SMIM10L2B: variants seen among roughly 807,000 people sequenced by gnomAD.
SMIM10L2B encodes small integral membrane protein 10 like 2B.
For missense variants in SMIM10L2B, 40 were observed against 58.7 expected, an observed-to-expected ratio of 0.68 and a Z score of 1.04; for synonymous variants, 28 against 30.0, an observed-to-expected ratio of 0.93 and a Z score of 0.22.
At position 135,098,160 on chromosome X, in the gene SMIM10L2B, G is replaced by C. The variant is rs1603270795; in HGVS notation, c.*237C>G. On this transcript the variant is annotated 3_prime_UTR_variant, in exon 1 of 2. Transcript: ENST00000433425. ...GGTAGTTTCTGGAGCCCAATTGTAG[G>C]GGCCTGTTCAGTGCATTTCTGCGCG... 8.5e-6 allele frequency: 2 copies of C among 234,532 alleles called. No individual in the cohort carries two copies. The highest frequency in any genetic ancestry group is 6.8e-5 in the East Asian group (1 of 14,783). The allele number at this position is 234,532 out of a possible 1,213,427, so 19.3% of individuals were successfully genotyped here. A position where few individuals can be genotyped will look rare whatever the true frequency, so the allele number is the denominator to read the frequency against.
At position 135,098,326 on chromosome X, in the gene SMIM10L2B, C is replaced by T; in HGVS notation, c.*71G>A. The T allele has an allele frequency of 9.8e-6, 3 of 304,643 alleles. No individual in the cohort carries two copies. The highest frequency in any genetic ancestry group is 1.7e-5 in the Non-Finnish European group (3 of 180,145). The allele number at this position is 304,643 out of a possible 1,213,427, so 25.1% of individuals were successfully genotyped here. A position where few individuals can be genotyped will look rare whatever the true frequency, so the allele number is the denominator to read the frequency against. On this transcript the variant is annotated 3_prime_UTR_variant, in exon 1 of 2. Transcript: ENST00000433425. ...TCCAGCTGTCCTTCATGCCCGCGAC[C>T]CGGCCGGGGGCGGGCGGGGACACTG...
In SMIM10L2B at chrX:135,098,298, C is replaced by T. The variant is rs1230563728; in HGVS notation, c.*99G>A. The T allele has an allele frequency of 7.2e-6, 2 of 278,560 alleles. No homozygotes were observed. The highest frequency in any genetic ancestry group is 1.2e-5 in the Non-Finnish European group (2 of 160,579). 23.0% of individuals were successfully genotyped at this position (278,560 alleles called of 1,213,427 possible). A position where few individuals can be genotyped will look rare whatever the true frequency, so the allele number is the denominator to read the frequency against. On this transcript the variant is annotated 3_prime_UTR_variant, in exon 1 of 2. Transcript: ENST00000433425. ...GCCGCCCCACCTCCGCCCCCCGCCG[C>T]GATCCAGCTGTCCTTCATGCCCGCG...
At position 135,098,581 on chromosome X, in the gene SMIM10L2B, C is replaced by A; in HGVS notation, c.53G>T (p.Gly18Val). The A allele has an allele frequency of 1.4e-6, 1 of 700,377 alleles. No individual in the cohort carries two copies. Among genetic ancestry groups the A allele is most frequent in the Non-Finnish European group, 2.0e-6 (1 of 511,381 alleles). 57.7% of individuals were successfully genotyped at this position (700,377 alleles called of 1,213,427 possible). A position where few individuals can be genotyped will look rare whatever the true frequency, so the allele number is the denominator to read the frequency against. Residue 18 changes from glycine (G) to valine (V), a missense_variant, in exon 1 of 2, where the codon GGC becomes GTC. Gly to Val is a moderately radical substitution (Grantham distance 109). Coordinates refer to ENST00000433425, the MANE Select transcript of SMIM10L2B (RefSeq NM_001348255.2). ...CGAGCGCGACAGCCGAACCGCCAAG[C>A]CAGACAGGGCTGCCGCCGCCGCCGC... The part of the protein sequence containing the change: ...SAAAAAAALS[G>V]LAVRLSRSAA...
rs1475345568 is a variant in SMIM10L2B at position 135,096,803 on chromosome X, C to G, written c.*683G>C. The G allele has an allele frequency of 8.9e-6, 1 of 111,835 alleles. No individual in the cohort carries two copies. The highest frequency in any genetic ancestry group is 3.3e-5 in the African/African-American group (1 of 30,667). The allele number at this position is 111,835 out of a possible 1,213,427, so 9.2% of individuals were successfully genotyped here. On this transcript the variant is annotated 3_prime_UTR_variant, in exon 2 of 2. Coordinates refer to ENST00000433425, the MANE Select transcript of SMIM10L2B (RefSeq NM_001348255.2). ...CCTATCTGCATGTCAAGGGCAAATC[C>G]CCCCCTCCCCGAAGCCTCGGTTTCC...
rs1330318415 is a variant in SMIM10L2B, at chrX:135,096,004, C to G, written c.*1482G>C. 71 of 111,801 alleles carry G rather than the reference C, an allele frequency of 6.4e-4. No individual in the cohort carries two copies. The highest frequency in any genetic ancestry group is 1.1e-3 in the Non-Finnish European group (60 of 53,155). 9.2% of individuals were successfully genotyped at this position (111,801 alleles called of 1,213,427 possible). ...TTCATTCAGGACCTGGGTCCAGTGG[C>G]CTGCTGAGGAGGGTACGTGGTAGGT... is the stretch of plus-strand genomic sequence containing the variant. On this transcript the variant is annotated 3_prime_UTR_variant, in exon 2 of 2. Coordinates refer to ENST00000433425, the MANE Select transcript of SMIM10L2B (RefSeq NM_001348255.2).
At position 135,095,060 on chromosome X, in the gene SMIM10L2B, C is replaced by T. The variant is rs2083441859; in HGVS notation, c.*2426G>A. The T allele has an allele frequency of 9.0e-6, 1 of 111,060 alleles. No homozygotes were observed. Among genetic ancestry groups the T allele is most frequent in the Admixed American group, 9.5e-5 (1 of 10,564 alleles). The allele number at this position is 111,060 out of a possible 1,213,427, so 9.2% of individuals were successfully genotyped here. Reference sequence around the variant, plus strand: ...GAGAAAACAAGAAGACGTGACAACACCAGAAACAAGAACATCTCTCTGGCC... The same window carrying T: ...GAGAAAACAAGAAGACGTGACAACATCAGAAACAAGAACATCTCTCTGGCC... On this transcript the variant is annotated 3_prime_UTR_variant, in exon 2 of 2. Coordinates refer to ENST00000433425, the MANE Select transcript of SMIM10L2B (RefSeq NM_001348255.2).
intron 1 of SMIM10L2B, among the ~76,000 whole-genome samples, chrX:135,097,364 C>A (rs187978583): frequency 8.9e-6 from 1 of 112,511 alleles, no homozygotes; most frequent in African/African-American, 3.2e-5. Flanking sequence ...TTGCTAGCTA[C>A]GGTCCTTAGG....
chrX:135,097,835 C>T (rs1312477168), intron 1 of SMIM10L2B, among the ~76,000 whole-genome samples, 198 bp downstream of exon 1: 2 of 112,127 alleles, frequency 1.8e-5, no homozygotes, highest in East Asian at 5.7e-4. Flanking sequence ...AGGCGGCTGC[C>T]CCTCACCCTA....
chrX:135,095,603 C>G lies in SMIM10L2B; in HGVS notation c.*1883G>C, dbSNP rs1556397814. The G allele has an allele frequency of 8.9e-6, 1 of 111,893 alleles. No individual in the cohort carries two copies. Among genetic ancestry groups the G allele is most frequent in the African/African-American group, 3.3e-5 (1 of 30,752 alleles). 9.2% of individuals were successfully genotyped at this position (111,893 alleles called of 1,213,427 possible). On this transcript the variant is annotated 3_prime_UTR_variant, in exon 2 of 2. Coordinates refer to ENST00000433425, the MANE Select transcript of SMIM10L2B (RefSeq NM_001348255.2). ...GCAATCAGCAAAGAACTTTCCTCCA[C>G]CCTTCCTGGCTGGCCCAGGAAGAGG...
intron 1 of SMIM10L2B, among the ~76,000 whole-genome samples, chrX:135,097,353 C>A (rs1349756354): frequency 1.8e-5 from 2 of 112,649 alleles, no homozygotes; most frequent in Non-Finnish European, 3.8e-5. Flanking sequence ...CTGGGAGGGC[C>A]TTGCTAGCTA....
In SMIM10L2B at chrX:135,098,592, TGCC is replaced by T. The variant is rs1474966068; in HGVS notation, c.39_41del (p.Ala15del). 4.2e-4 allele frequency: 248 copies of T among 591,361 alleles called. No homozygotes were observed. Among genetic ancestry groups the T allele is most frequent in the South Asian group, 7.6e-4 (13 of 17,130 alleles). The allele number at this position is 591,361 out of a possible 1,213,427, so 48.7% of individuals were successfully genotyped here. On this transcript the variant is annotated inframe_deletion, in exon 1 of 2. Transcript: ENST00000433425. ...GCCGAACCGCCAAGCCAGACAGGGC[TGCC>T]GCCGCCGCCGCCGCAGACAGAGCCG...
rs1236765596 is a variant in SMIM10L2B at position 135,095,972 on chromosome X, G to C, written c.*1514C>G. The C allele has an allele frequency of 4.5e-5, 5 of 112,011 alleles. No individual in the cohort carries two copies. Among genetic ancestry groups the C allele is most frequent in the African/African-American group, 1.6e-4 (5 of 30,753 alleles). 9.2% of individuals were successfully genotyped at this position (112,011 alleles called of 1,213,427 possible). On this transcript the variant is annotated 3_prime_UTR_variant, in exon 2 of 2. Transcript: ENST00000433425. Reference sequence around the variant, plus strand: ...CAGCCTCTTCTGGGGTGAGGCAGGCGGACAGCTTCATTCAGGACCTGGGTC... The same window carrying C: ...CAGCCTCTTCTGGGGTGAGGCAGGCCGACAGCTTCATTCAGGACCTGGGTC...
At chrX:135,097,811 G>A (rs1960904094) in intron 1 of SMIM10L2B, among the ~76,000 whole-genome samples, 1 of 112,284 alleles carries the variant, frequency 8.9e-6, no homozygotes, top group Non-Finnish European at 1.9e-5. Flanking sequence ...GGCCGGCACT[G>A]GGGAATGAGC....
At position 135,095,248 on chromosome X, in the gene SMIM10L2B, G is replaced by C. The variant is rs190336279; in HGVS notation, c.*2238C>G. ...CTGTAGGGGAGAGAAGAGGTGGGGAGGGGAGGTAGAGAAGCAGCAGGCGGG... is the reference window on the plus strand; with the variant it reads ...CTGTAGGGGAGAGAAGAGGTGGGGACGGGAGGTAGAGAAGCAGCAGGCGGG... On this transcript the variant is annotated 3_prime_UTR_variant, in exon 2 of 2. Coordinates refer to ENST00000433425, the MANE Select transcript of SMIM10L2B (RefSeq NM_001348255.2). The C allele has an allele frequency of 8.9e-6, 1 of 111,980 alleles. No individual in the cohort carries two copies. Among genetic ancestry groups the C allele is most frequent in the African/African-American group, 3.3e-5 (1 of 30,694 alleles). 9.2% of individuals were successfully genotyped at this position (111,980 alleles called of 1,213,427 possible).
In SMIM10L2B at chrX:135,098,556, C is replaced by G. The variant is rs1237765018; in HGVS notation, c.78G>C (p.Ser26=). Residue 26 remains serine (S), a synonymous_variant, in exon 1 of 2, where the codon TCG becomes TCC. Coordinates refer to ENST00000433425, the MANE Select transcript of SMIM10L2B (RefSeq NM_001348255.2). ...CGCCGTATGAGCCTCGGGCCGCCGC[C>G]GAGCGCGACAGCCGAACCGCCAAGC... ...LSGLAVRLSR[S]AAARGSYGAF... 2 of 883,684 alleles carry G rather than the reference C, an allele frequency of 2.3e-6. No individual in the cohort carries two copies. The highest frequency in any genetic ancestry group is 3.0e-6 in the Non-Finnish European group (2 of 664,655). The allele number at this position is 883,684 out of a possible 1,213,427, so 72.8% of individuals were successfully genotyped here. A position where few individuals can be genotyped will look rare whatever the true frequency, so the allele number is the denominator to read the frequency against.
chrX:135,098,366 G>C lies in SMIM10L2B; in HGVS notation c.*31C>G, dbSNP rs1603270829. On this transcript the variant is annotated 3_prime_UTR_variant, in exon 1 of 2. Transcript: ENST00000433425. The stretch of plus-strand genomic sequence containing the variant: ...CGGGGACACTGTCGCCCCTCCAGCC[G>C]GGCCTCCGCGGCCGCCGCCGCCGCC... 2.4e-6 allele frequency: 1 copy of C among 416,300 alleles called. No individual in the cohort carries two copies. The highest frequency in any genetic ancestry group is 3.8e-6 in the Non-Finnish European group (1 of 265,075). 34.3% of individuals were successfully genotyped at this position (416,300 alleles called of 1,213,427 possible).
chrX:135,098,210 C>T lies in SMIM10L2B; in HGVS notation c.*187G>A. The T allele has an allele frequency of 3.8e-6, 1 of 260,112 alleles. No individual in the cohort carries two copies. Among genetic ancestry groups the T allele is most frequent in the Non-Finnish European group, 6.8e-6 (1 of 146,600 alleles). The allele number at this position is 260,112 out of a possible 1,213,427, so 21.4% of individuals were successfully genotyped here. A position where few individuals can be genotyped will look rare whatever the true frequency, so the allele number is the denominator to read the frequency against. ...GATCCGGGGTCCCGGGCTGAGACCG[C>T]GGCCAGGGCCAGGGCTGGGCCTTCG... On this transcript the variant is annotated 3_prime_UTR_variant, in exon 1 of 2. Transcript: ENST00000433425.
rs1437120994 is a variant in SMIM10L2B at position 135,098,154 on chromosome X, T to C, written c.*243A>G. ...AGCTCAGGTAGTTTCTGGAGCCCAA[T>C]TGTAGGGGCCTGTTCAGTGCATTTC... On this transcript the variant is annotated 3_prime_UTR_variant, in exon 1 of 2. Transcript: ENST00000433425. 1.4e-5 allele frequency: 3 copies of C among 219,431 alleles called. No individual in the cohort carries two copies. Among genetic ancestry groups the C allele is most frequent in the Admixed American group, 1.4e-4 (2 of 13,861 alleles). 18.1% of individuals were successfully genotyped at this position (219,431 alleles called of 1,213,427 possible).
chrX:135,098,575 G>T lies in SMIM10L2B; in HGVS notation c.59C>A (p.Ala20Glu). 2 of 763,390 alleles carry T rather than the reference G, an allele frequency of 2.6e-6. No homozygotes were observed. The highest frequency in any genetic ancestry group is 3.6e-6 in the Non-Finnish European group (2 of 561,656). 62.9% of individuals were successfully genotyped at this position (763,390 alleles called of 1,213,427 possible). Residue 20 changes from alanine to glutamate, a missense_variant, in exon 1 of 2, where the codon GCG becomes GAG. Physicochemically the swap from Ala to Glu is moderately radical, Grantham distance 107. Coordinates refer to ENST00000433425, the MANE Select transcript of SMIM10L2B (RefSeq NM_001348255.2). Reference protein sequence around the residue: ...AAAAAALSGLAVRLSRSAAAR... With the variant: ...AAAAAALSGLEVRLSRSAAAR... Reference sequence around the variant, plus strand: ...CGCCGCCGAGCGCGACAGCCGAACCGCCAAGCCAGACAGGGCTGCCGCCGC... The same window carrying T: ...CGCCGCCGAGCGCGACAGCCGAACCTCCAAGCCAGACAGGGCTGCCGCCGC...
Sources: gnomAD v4.1 joint callset for allele counts (sites outside exome capture counted in the v4.1 genomes callset) on GRCh38, gnomAD v4.1.1 for gene constraint, MANE v1.5 for transcripts, NCBI Gene and HGNC (gene_info 2026-07-23, HGNC 2026-07-21) for gene names.